The following SLC9D1 variants were observed in gnomAD, a reference collection of about 807,000 sequenced individuals.
The protein encoded by SLC9D1 is solute carrier family 9 member D1.
At chr13:113,529,785 C>T in the SLC9D1 span, 1 of 152,204 alleles carries the variant, frequency 6.6e-6, no homozygotes, top group African/African-American at 2.4e-5. Context: ...AACACACATC[C>T]ACATTCAGAC....
chr13:113,520,061 A>G, the SLC9D1 span, among the ~76,000 whole-genome samples: 1 of 152,194 alleles, frequency 6.6e-6, no homozygotes, highest in African/African-American at 2.4e-5. Flanking sequence ...TTGTCATGAG[A>G]TTTTTCAATA....
chr13:113,529,837 C>A, the SLC9D1 span: 3,497 of 152,230 alleles, frequency 0.023, 81 homozygotes, highest in East Asian at 0.11. Context: ...GTGAATCCAC[C>A]TGATACCACA....
At chr13:113,533,856 T>G in the SLC9D1 span, among the ~76,000 whole-genome samples, 1 of 152,236 alleles carries the variant, frequency 6.6e-6, no homozygotes, top group Non-Finnish European at 1.5e-5. Context: ...CTTCCACCTT[T>G]GGCTCAACAC....
At chr13:113,504,811 G>A in the SLC9D1 span, 1 of 152,072 alleles carries the variant, frequency 6.6e-6, no homozygotes, top group Non-Finnish European at 1.5e-5. Context: ...TTCGTATAAT[G>A]ACTTATTTTC....
the SLC9D1 span, among the ~76,000 whole-genome samples, chr13:113,511,050 C>T: frequency 8.9e-4 from 117 of 131,488 alleles, 1 homozygote; most frequent in Non-Finnish European, 1.5e-3. Context: ...CAGTGGAAGC[C>T]GACTTGCTCG....
At chr13:113,542,894 G>C in the SLC9D1 span, among the ~76,000 whole-genome samples, 2 of 152,104 alleles carry the variant, frequency 1.3e-5, no homozygotes, top group African/African-American at 4.8e-5. Flanking sequence ...TGGGAGGCTT[G>C]GGCCCCTTGT....
the SLC9D1 span, chr13:113,545,938 C>G: frequency 3.3e-5 from 5 of 152,246 alleles, no homozygotes; most frequent in African/African-American, 1.2e-4. Flanking sequence ...TGGAACAGGA[C>G]ATTCCCAAGC....
At chr13:113,521,128 G>T in the SLC9D1 span, among the ~76,000 whole-genome samples, 1 of 152,128 alleles carries the variant, frequency 6.6e-6, no homozygotes, top group African/African-American at 2.4e-5. Flanking sequence ...CTGTGTGTGT[G>T]TGTGTAGGTA....
the SLC9D1 span, chr13:113,528,866 A>G: frequency 6.6e-6 from 1 of 152,242 alleles, no homozygotes; most frequent in East Asian, 1.9e-4. Context: ...ACAATGTCCA[A>G]CATAAGTTGA....
chr13:113,545,944 C>G, the SLC9D1 span: 3 of 152,228 alleles, frequency 2.0e-5, no homozygotes, highest in East Asian at 3.9e-4. Flanking sequence ...AGGACATTCC[C>G]AAGCAGGAAG....
the SLC9D1 span, chr13:113,510,177 T>C: frequency 6.9e-7 from 1 of 1,441,394 alleles, no homozygotes; most frequent in Non-Finnish European, 9.7e-7. Context: ...GTGAAGTCTG[T>C]GTGGTGTGGT....
the SLC9D1 span, among the ~76,000 whole-genome samples, chr13:113,493,198 G>A: frequency 6.6e-6 from 1 of 152,292 alleles, no homozygotes; most frequent in East Asian, 1.9e-4. Context: ...CTCCCTTAGA[G>A]GGACAACTAA....
chr13:113,491,790 G>T, the SLC9D1 span, among the ~76,000 whole-genome samples: 14 of 152,238 alleles, frequency 9.2e-5, no homozygotes, highest in Non-Finnish European at 4.4e-5. Flanking sequence ...ACTCCTAACG[G>T]CTCCTCACGG....
the SLC9D1 span, among the ~76,000 whole-genome samples, chr13:113,507,238 C>T: frequency 6.0e-5 from 9 of 149,942 alleles, no homozygotes; most frequent in East Asian, 2.0e-4. Context: ...TTCATGGAGA[C>T]GGCATCCCGC....
the SLC9D1 span, among the ~76,000 whole-genome samples, chr13:113,544,231 G>A: frequency 1.9e-3 from 293 of 152,336 alleles, 4 homozygotes; most frequent in East Asian, 5.8e-4. Context: ...CCCGAGGCTC[G>A]TGCCCGCTGG....
chr13:113,521,682 G>T, the SLC9D1 span, among the ~76,000 whole-genome samples: 1 of 152,050 alleles, frequency 6.6e-6, no homozygotes, highest in Non-Finnish European at 1.5e-5. Flanking sequence ...ACCTGCTTGG[G>T]TTCGTATGGA....
At chr13:113,499,607 G>A in the SLC9D1 span, among the ~76,000 whole-genome samples, 16 of 152,134 alleles carry the variant, frequency 1.1e-4, 1 homozygote, top group Non-Finnish European at 1.5e-5. Flanking sequence ...CTCACAAAAA[G>A]GTTGGGTAAT....
the SLC9D1 span, among the ~76,000 whole-genome samples, chr13:113,524,532 C>T: frequency 1.3e-5 from 2 of 151,992 alleles, no homozygotes; most frequent in Non-Finnish European, 2.9e-5. Context: ...GACAAGGTTT[C>T]GCCATGTTGG....
At chr13:113,502,698 C>T in the SLC9D1 span, among the ~76,000 whole-genome samples, 19 of 152,156 alleles carry the variant, frequency 1.2e-4, no homozygotes, top group African/African-American at 4.1e-4. Context: ...GCGTGGAGAA[C>T]GGGTGCCAGA....
Sources: gnomAD v4.1 joint callset for allele counts (sites outside exome capture counted in the v4.1 genomes callset) on GRCh38, gnomAD v4.1.1 for gene constraint, MANE v1.5 for transcripts, NCBI Gene and HGNC (gene_info 2026-07-23, HGNC 2026-07-21) for gene names.